LARP1B: variants seen among roughly 807,000 people sequenced by gnomAD.
LARP1B encodes la-related protein 1B.
A neutral mutation model predicts 114.2 loss-of-function variants in LARP1B; 76 were observed. The ratio of observed to expected loss-of-function variants is 0.67; its 90% CI spans 0.55 to 0.81. The LOEUF is 0.81. Among genes scored for constraint, LARP1B ranks in the 30% least tolerant of loss-of-function variants. The probability of loss-of-function intolerance (pLI) is 0.00; values close to 1 mark genes in which losing one functional copy is unlikely to be tolerated. For missense variants in LARP1B, 1,014 were observed against 1,075.8 expected (o/e 0.94, Z 0.80); for synonymous variants, 345 against 348.0 (o/e 0.99, Z 0.10).
rs116318546 is a variant in LARP1B, at chr4:128,135,728, A to G, written c.1524+13540A>G. On this transcript the variant is annotated intron_variant, in intron 11 of 19. Transcript: ENST00000326639. ...ATAGCTAACTAAAGTGGTGAAGTTTATAGAAACAAAGTAAGAAGGTAGTTG... is the reference window on the plus strand; with the variant it reads ...ATAGCTAACTAAAGTGGTGAAGTTTGTAGAAACAAAGTAAGAAGGTAGTTG... Among the ~76,000 whole-genome samples the G allele has an allele frequency of 4.8e-3, 732 of 152,298 alleles. 3 individuals are homozygous for G. The highest frequency in any genetic ancestry group is 7.4e-3 in the Non-Finnish European group (501 of 68,030).
In LARP1B at chr4:128,179,662, A is replaced by G. The variant is rs573410532; in HGVS notation, c.2003+150A>G. 665 of 489,274 alleles carry G rather than the reference A, an allele frequency of 1.4e-3. 16 individuals carry two copies. The South Asian group carries it at 0.022, about 16-fold the overall frequency. The allele number at this position is 489,274 out of a possible 1,614,324, so 30.3% of individuals were successfully genotyped here. Reference sequence around the variant, plus strand: ...GGTACAAAGAAGCCAAAGAAGAGATAAGTTTTACAAGTATGTTAAGGAAAT... The same window carrying G: ...GGTACAAAGAAGCCAAAGAAGAGATGAGTTTTACAAGTATGTTAAGGAAAT... On this transcript the variant is annotated intron_variant, in intron 15 of 19. Coordinates refer to ENST00000326639, the MANE Select transcript of LARP1B (RefSeq NM_018078.4).
At chr4:128,159,943 A>G (rs1737665367) in intron 11 of LARP1B, among the ~76,000 whole-genome samples, 1 of 152,252 alleles carries the variant, frequency 6.6e-6, no homozygotes, top group Non-Finnish European at 1.5e-5. Context: ...TGTAATAGCT[A>G]TAATCTGAGA....
intron 17 of LARP1B, among the ~76,000 whole-genome samples, chr4:128,201,643 C>G (rs1055419754): frequency 2.6e-5 from 4 of 152,210 alleles, no homozygotes; most frequent in Non-Finnish European, 5.9e-5. Context: ...TTCGTCCTCC[C>G]TGTGCTTTTC....
At chr4:128,128,505 CAAAAT>C (rs1790389643) in intron 11 of LARP1B, among the ~76,000 whole-genome samples, 1 of 152,082 alleles carries the variant, frequency 6.6e-6, no homozygotes, top group Non-Finnish European at 1.5e-5. Flanking sequence ...CTTAGTTGGG[CAAAAT>C]CATTTAAACA....
intron 5 of LARP1B, among the ~76,000 whole-genome samples, chr4:128,083,174 A>C (rs200156076): frequency 6.6e-6 from 1 of 152,278 alleles, no homozygotes; most frequent in East Asian, 1.9e-4. Flanking sequence ...AGAAGAATTT[A>C]TCTTAGTACA....
chr4:128,107,108 A>C, intron 8 of LARP1B, 31 bp from the exon 9 acceptor site: 8 of 1,580,322 alleles, frequency 5.1e-6, no homozygotes, highest in Non-Finnish European at 6.9e-6. Context: ...GAAATAGCTC[A>C]TAATTTTAAT....
At chr4:128,073,588 T>TGTTTG (rs1561056879) in intron 1 of LARP1B, among the ~76,000 whole-genome samples, 934 of 39,880 alleles carry the variant, frequency 0.023, 7 homozygotes, top group South Asian at 0.034. Context: ...TTTTTTTTTT[T>TGTTTG]TTTTTTTTTT....
At chr4:128,074,000 G>C (rs540130487) in intron 1 of LARP1B, among the ~76,000 whole-genome samples, 114 of 151,908 alleles carry the variant, frequency 7.5e-4, no homozygotes, top group Non-Finnish European at 1.4e-3. Flanking sequence ...GAGTGGAATG[G>C]CAAGATCTCA....
At chr4:128,150,412 C>T (rs1309999876) in intron 11 of LARP1B, among the ~76,000 whole-genome samples, 1 of 151,710 alleles carries the variant, frequency 6.6e-6, no homozygotes, top group Non-Finnish European at 1.5e-5. Flanking sequence ...TCTGTCTCAG[C>T]CTCCCTAGTA....
intron 5 of LARP1B, among the ~76,000 whole-genome samples, chr4:128,090,757 T>G (rs1276066488): frequency 6.6e-6 from 1 of 152,212 alleles, no homozygotes; most frequent in East Asian, 1.9e-4. Context: ...ACCTTTCTAG[T>G]ATGTTATTTT....
chr4:128,219,829 AAAT>A lies in LARP1B; in HGVS notation n.849-525_849-523del, dbSNP rs1335959816. Among the ~76,000 whole-genome samples the A allele has an allele frequency of 3.9e-3, 588 of 151,064 alleles. 6 individuals carry two copies. The highest frequency in any genetic ancestry group is 0.012 in the African/African-American group (495 of 40,686). On this transcript the variant is annotated intron_variant and non_coding_transcript_variant, in intron 6 of 7. Transcript: ENST00000503725. ...TAAATAAATAAATAAATAAATAAATAAATGGAATTAGGAAGGGGGTTATGTTTA... is the reference window on the plus strand; with the variant it reads ...TAAATAAATAAATAAATAAATAAATAGGAATTAGGAAGGGGGTTATGTTTA...
intron 13 of LARP1B, among the ~76,000 whole-genome samples, chr4:128,177,932 A>C (rs1276590792): frequency 1.3e-5 from 2 of 151,992 alleles, no homozygotes; most frequent in African/African-American, 4.8e-5. Flanking sequence ...TATCTGCAGG[A>C]GAATGGATAA....
chr4:128,121,759 GT>G, intron 10 of LARP1B, 66 bp from the exon 11 acceptor site: 1 of 1,182,498 alleles, frequency 8.5e-7, no homozygotes, highest in East Asian at 2.6e-5. Context: ...TTGTAACACT[GT>G]TTTATGACAT....
At chr4:128,170,723 A>G (rs895751207) in intron 12 of LARP1B, among the ~76,000 whole-genome samples, 3 of 152,012 alleles carry the variant, frequency 2.0e-5, no homozygotes, top group African/African-American at 7.2e-5. Flanking sequence ...TTATATTTGA[A>G]GTCAGTTTAT....
At position 128,179,491 on chromosome 4, in the gene LARP1B, G is replaced by C. The variant is rs756393702; in HGVS notation, c.1982G>C (p.Gly661Ala). The C allele has an allele frequency of 8.7e-6, 14 of 1,600,598 alleles. No individual in the cohort carries two copies. The South Asian group carries it at 1.6e-4, about 18-fold the overall frequency. Residue 661 changes from glycine to alanine, a missense_variant, in exon 15 of 20, where the codon GGG becomes GCG. Physicochemically the swap from Gly to Ala is moderately conservative, Grantham distance 60. Coordinates refer to ENST00000326639, the MANE Select transcript of LARP1B (RefSeq NM_018078.4). ...TGGGTAATGGATTCCAGAGACCGTG[G>C]GCCAGGAACATCCTCTGTCAGGTAC... ...VGWVMDSRDR[G>A]PGTSSVSTSN...
chr4:128,213,745 T>C (rs983720656), downstream of LARP1B, among the ~76,000 whole-genome samples: 1 of 152,174 alleles, frequency 6.6e-6, no homozygotes, highest in Non-Finnish European at 1.5e-5. Flanking sequence ...TTTAAGAGAT[T>C]AGTTGAAGCT....
intron 19 of LARP1B, 120 bp from the exon 20 acceptor site, chr4:128,209,736 A>G (rs2150965782): frequency 1.3e-6 from 1 of 778,234 alleles, no homozygotes; most frequent in African/African-American, 1.8e-5. Flanking sequence ...AAAAAAAAAA[A>G]AAAAAAATTA....
intron 15 of LARP1B, among the ~76,000 whole-genome samples, chr4:128,186,845 T>C (rs1434168493): frequency 6.6e-6 from 1 of 152,160 alleles, no homozygotes; most frequent in Non-Finnish European, 1.5e-5. Flanking sequence ...GGGAAACTGC[T>C]CCCTGCATTC....
chr4:128,067,610 C>T (rs1389615590), intron 1 of LARP1B, among the ~76,000 whole-genome samples: 1 of 152,118 alleles, frequency 6.6e-6, no homozygotes, highest in Admixed American at 6.6e-5. Flanking sequence ...AAGTTGCTGC[C>T]CACCCAAGAG....
Sources: gnomAD v4.1 joint callset for allele counts (sites outside exome capture counted in the v4.1 genomes callset) on GRCh38, gnomAD v4.1.1 for gene constraint, MANE v1.5 for transcripts, NCBI Gene and HGNC (gene_info 2026-07-23, HGNC 2026-07-21) for gene names.